STK32B: variants seen among roughly 807,000 people sequenced by gnomAD.
The protein encoded by STK32B is serine/threonine-protein kinase 32B.
A neutral mutation model predicts 52.6 loss-of-function variants in STK32B; 43 were observed. That is an observed-to-expected ratio of 0.82 (90% CI 0.64 to 1.05). STK32B has a LOEUF of 1.05. STK32B is among the 50% of genes least tolerant of loss of function. STK32B has a pLI of 0.00. For missense variants in STK32B, 621 were observed against 534.6 expected (o/e 1.16, Z -1.59); for synonymous variants, 238 against 204.3 (o/e 1.17, Z -1.41).
chr4:5,120,609 C>T (rs1714975159), intron 1 of STK32B, among the ~76,000 whole-genome samples: 2 of 152,010 alleles, frequency 1.3e-5, no homozygotes, highest in South Asian at 4.1e-4. Flanking sequence ...AATGTATCTC[C>T]CTTGGATAAG....
chr4:5,339,125 G>C (rs531906426), intron 4 of STK32B, among the ~76,000 whole-genome samples: 3 of 152,222 alleles, frequency 2.0e-5, no homozygotes, highest in African/African-American at 7.2e-5. Flanking sequence ...TGGGCTTTCA[G>C]TCTTAGACTG....
intron 1 of STK32B, among the ~76,000 whole-genome samples, chr4:5,063,255 A>G (rs1270587459): frequency 6.6e-6 from 1 of 152,334 alleles, no homozygotes; most frequent in South Asian, 2.1e-4. Flanking sequence ...GCACTGTTCT[A>G]TAGAAATGTG....
chr4:5,029,865 T>C, the STK32B span, among the ~76,000 whole-genome samples: 1 of 152,204 alleles, frequency 6.6e-6, no homozygotes, highest in East Asian at 1.9e-4. Context: ...TCTCCACGTG[T>C]CAAGGAAGAG....
upstream of STK32B, among the ~76,000 whole-genome samples, chr4:5,049,569 G>A (rs118057901): frequency 2.0e-5 from 3 of 152,240 alleles, no homozygotes; most frequent in East Asian, 3.9e-4. Context: ...GTGCTCAGTC[G>A]GGAGCTTCTG....
intron 3 of STK32B, among the ~76,000 whole-genome samples, chr4:5,313,734 A>G (rs953167383): frequency 2.0e-5 from 3 of 152,214 alleles, no homozygotes; most frequent in Non-Finnish European, 4.4e-5. Flanking sequence ...TAGAACTGTG[A>G]CAGCACCATT....
chr4:5,118,589 T>A (rs1428032374), intron 1 of STK32B, among the ~76,000 whole-genome samples: 1 of 152,216 alleles, frequency 6.6e-6, no homozygotes, highest in East Asian at 1.9e-4. Context: ...TGGCCACCTG[T>A]GCTGAGCCAC....
At chr4:5,443,396 C>T (rs990400149) in intron 6 of STK32B, among the ~76,000 whole-genome samples, 12 of 152,176 alleles carry the variant, frequency 7.9e-5, no homozygotes, top group Middle Eastern at 3.4e-3. Context: ...TTGATCGCAT[C>T]GGCTCCTGAG....
intron 4 of STK32B, among the ~76,000 whole-genome samples, chr4:5,391,683 G>T (rs28491550): frequency 0.011 from 1,725 of 152,316 alleles, 20 homozygotes; most frequent in South Asian, 0.056. Flanking sequence ...ATCAGGAAAT[G>T]CCTGAAGGCC....
chr4:5,102,943 CCCT>C (rs1045705849), intron 1 of STK32B, among the ~76,000 whole-genome samples: 1 of 123,004 alleles, frequency 8.1e-6, no homozygotes, highest in Non-Finnish European at 1.7e-5. Flanking sequence ...TCCCCCCTCC[CCCT>C]CCTCTCCTTT....
At chr4:5,251,134 G>T (rs182296269) in intron 3 of STK32B, among the ~76,000 whole-genome samples, 1 of 152,082 alleles carries the variant, frequency 6.6e-6, no homozygotes, top group Non-Finnish European at 1.5e-5. Context: ...CCTTTTCTAG[G>T]CCCAATGTCT....
chr4:5,271,486 G>A (rs959894635), intron 3 of STK32B, among the ~76,000 whole-genome samples: 3 of 151,554 alleles, frequency 2.0e-5, no homozygotes, highest in South Asian at 2.1e-4. Context: ...TGGCGATGCG[G>A]GCTCTTTTTT....
intron 3 of STK32B, among the ~76,000 whole-genome samples, chr4:5,256,748 G>T (rs1390239098): frequency 6.6e-6 from 1 of 152,140 alleles, no homozygotes; most frequent in East Asian, 1.9e-4. Context: ...AGCTGAACTT[G>T]GCTCTGGGCA....
chr4:5,322,872 C>T lies in STK32B; in HGVS notation c.261-8348C>T, dbSNP rs999181365. Among the ~76,000 whole-genome samples the T allele has an allele frequency of 6.6e-5, 10 of 152,302 alleles. No individual in the cohort carries two copies. In the South Asian group the frequency reaches 1.0e-3, roughly 16 times the overall value. On this transcript the variant is annotated intron_variant, in intron 3 of 11. Transcript: ENST00000282908. ...GCACTGCCTCCCTCATATGTGTTCA[C>T]GTGTATTTCATGTGTTATCAGCATG...
intron 2 of STK32B, among the ~76,000 whole-genome samples, chr4:5,166,663 C>A (rs916364710): frequency 6.6e-5 from 10 of 151,670 alleles, no homozygotes; most frequent in African/African-American, 2.2e-4. Context: ...GGAGGATCCC[C>A]CCAGGAGCCT....
At chr4:5,361,215 T>C (rs1734526927) in intron 4 of STK32B, among the ~76,000 whole-genome samples, 1 of 152,228 alleles carries the variant, frequency 6.6e-6, no homozygotes, top group South Asian at 2.1e-4. Flanking sequence ...TATCCATTCG[T>C]TGGTCAATGG....
chr4:5,248,449 C>T (rs565249109), intron 3 of STK32B, among the ~76,000 whole-genome samples: 18 of 152,272 alleles, frequency 1.2e-4, no homozygotes, highest in African/African-American at 3.4e-4. Flanking sequence ...GAAAGAAACA[C>T]GTATTTCCAT....
chr4:5,455,373 G>A (rs1260648515), intron 7 of STK32B, among the ~76,000 whole-genome samples: 6 of 152,258 alleles, frequency 3.9e-5, no homozygotes, highest in African/African-American at 1.4e-4. Context: ...CAACCTGGGA[G>A]GGTGGCCAGT....
At chr4:5,089,041 C>T (rs940081429) in intron 1 of STK32B, among the ~76,000 whole-genome samples, 1 of 151,688 alleles carries the variant, frequency 6.6e-6, no homozygotes. Flanking sequence ...AATTGTCAAG[C>T]CTTTTACCTA....
intron 3 of STK32B, among the ~76,000 whole-genome samples, chr4:5,202,309 A>G (rs1387549071): frequency 6.6e-6 from 1 of 152,260 alleles, no homozygotes; most frequent in Non-Finnish European, 1.5e-5. Flanking sequence ...TTGGGCTCCC[A>G]AGGCCTTGGG....
Sources: gnomAD v4.1 joint callset for allele counts (sites outside exome capture counted in the v4.1 genomes callset) on GRCh38, gnomAD v4.1.1 for gene constraint, MANE v1.5 for transcripts, NCBI Gene and HGNC (gene_info 2026-07-23, HGNC 2026-07-21) for gene names.